FBN2: variants seen among roughly 807,000 people sequenced by gnomAD.
The protein encoded by FBN2 is fibrillin-2.
A neutral mutation model predicts 355.6 loss-of-function variants in FBN2; 105 were observed. That is an observed-to-expected ratio of 0.30 (90% CI 0.25 to 0.35). The LOEUF is 0.35. Among genes scored for constraint, FBN2 ranks in the 10% least tolerant of loss-of-function variants. The pLI, the probability that FBN2 is intolerant of heterozygous loss-of-function variation, is 1.00. For missense variants in FBN2, 3,280 were observed against 3,758.7 expected (o/e 0.87, Z 3.33); for synonymous variants, 1,350 against 1,301.2 (o/e 1.04, Z -0.81).
intron 7 of FBN2, among the ~76,000 whole-genome samples, chr5:128,442,712 G>A (rs577827968): frequency 6.6e-6 from 1 of 152,064 alleles, no homozygotes; most frequent in South Asian, 2.1e-4. Flanking sequence ...TTGAGCAAAG[G>A]GGGATAATAA....
intron 62 of FBN2, 149 bp downstream of exon 62, chr5:128,271,850 T>C: frequency 1.1e-6 from 1 of 895,072 alleles, no homozygotes; most frequent in Non-Finnish European, 1.8e-6. Flanking sequence ...ACTAGCAGAA[T>C]GAGTCCCCAT....
At chr5:128,332,687 A>G (rs1036676561) in intron 32 of FBN2, among the ~76,000 whole-genome samples, 6 of 152,170 alleles carry the variant, frequency 3.9e-5, no homozygotes, top group Admixed American at 3.3e-4. Context: ...ATCAATTTTT[A>G]CTGAACAAAA....
At chr5:128,459,781 T>C (rs2127077160) in intron 6 of FBN2, among the ~76,000 whole-genome samples, 1 of 152,286 alleles carries the variant, frequency 6.6e-6, no homozygotes, top group African/African-American at 2.4e-5. Flanking sequence ...TGTTAAAAAT[T>C]CTCAGTAAAC....
At chr5:128,445,700 A>G (rs1754045564) in intron 7 of FBN2, among the ~76,000 whole-genome samples, 2 of 152,192 alleles carry the variant, frequency 1.3e-5, no homozygotes, top group Non-Finnish European at 2.9e-5. Context: ...TTTAAGTAAC[A>G]TAACTGAAAA....
chr5:128,415,910 G>A (rs1484181507), intron 7 of FBN2, among the ~76,000 whole-genome samples: 3 of 152,008 alleles, frequency 2.0e-5, no homozygotes, highest in African/African-American at 7.2e-5. Flanking sequence ...GGAATAAGAT[G>A]ACATCTCATT....
chr5:128,478,066 G>A (rs1022107041), intron 5 of FBN2, among the ~76,000 whole-genome samples: 2 of 152,298 alleles, frequency 1.3e-5, no homozygotes, highest in African/African-American at 2.4e-5. Context: ...TCTCAGCTAT[G>A]GAAATTCTCT....
chr5:128,415,176 C>T (rs1394172616), intron 7 of FBN2, among the ~76,000 whole-genome samples: 1 of 152,164 alleles, frequency 6.6e-6, no homozygotes, highest in Non-Finnish European at 1.5e-5. Flanking sequence ...GTATCCCTCA[C>T]ATCTTGACTA....
intron 34 of FBN2, chr5:128,328,253 G>T: frequency 3.2e-6 from 1 of 315,338 alleles, no homozygotes; most frequent in Non-Finnish European, 6.0e-6. Context: ...CCCTGAAGAG[G>T]ACTTCCATTC....
intron 6 of FBN2, among the ~76,000 whole-genome samples, chr5:128,461,542 C>T (rs1363733941): frequency 6.6e-6 from 1 of 152,184 alleles, no homozygotes; most frequent in African/African-American, 2.4e-5. Flanking sequence ...CTATAAGACA[C>T]ATGCACACAT....
intron 5 of FBN2, 44 bp downstream of exon 5, chr5:128,519,229 A>G (rs928531109): frequency 7.4e-7 from 1 of 1,357,156 alleles, no homozygotes; most frequent in Non-Finnish European, 1.1e-6. Context: ...TTTTTACAAT[A>G]AAATAGACTT....
intron 5 of FBN2, among the ~76,000 whole-genome samples, chr5:128,510,340 A>G (rs1017156407): frequency 6.6e-6 from 1 of 152,264 alleles, no homozygotes; most frequent in African/African-American, 2.4e-5. Flanking sequence ...CCTGGGCTGC[A>G]TGAAGCCTGT....
chr5:128,373,507 A>G (rs1752001562), intron 15 of FBN2, among the ~76,000 whole-genome samples: 1 of 152,080 alleles, frequency 6.6e-6, no homozygotes, highest in Non-Finnish European at 1.5e-5. Context: ...ATATGTTTTG[A>G]TTCTCATAGG....
chr5:128,416,205 A>T (rs764806310), intron 7 of FBN2, among the ~76,000 whole-genome samples: 1 of 152,016 alleles, frequency 6.6e-6, no homozygotes, highest in Non-Finnish European at 1.5e-5. Flanking sequence ...TTGTATTTTT[A>T]GTAGAGATGG....
chr5:128,348,509 A>G (rs574882213), intron 23 of FBN2, among the ~76,000 whole-genome samples: 1 of 152,206 alleles, frequency 6.6e-6, no homozygotes, highest in South Asian at 2.1e-4. Flanking sequence ...TGGTATTGCA[A>G]ACTTTTTTCT....
intron 52 of FBN2, 83 bp from the exon 53 acceptor site, chr5:128,288,640 A>C: frequency 6.6e-7 from 1 of 1,505,702 alleles, no homozygotes; most frequent in Non-Finnish European, 9.1e-7. Flanking sequence ...CTTGGCCCTC[A>C]CCCATTTCCA....
At chr5:128,524,746 C>CT (rs1204372217) in intron 4 of FBN2, among the ~76,000 whole-genome samples, 1 of 152,108 alleles carries the variant, frequency 6.6e-6, no homozygotes, top group Non-Finnish European at 1.5e-5. Context: ...GTTATCATAC[C>CT]TTTACCTTCT....
At chr5:128,279,622 C>T (rs944669155) in intron 56 of FBN2, among the ~76,000 whole-genome samples, 51 of 152,032 alleles carry the variant, frequency 3.4e-4, no homozygotes, top group African/African-American at 1.2e-3. Flanking sequence ...AACAGCTTAG[C>T]GCTCTTATTT....
chr5:128,476,761 T>A (rs1755015048), intron 5 of FBN2, among the ~76,000 whole-genome samples: 1 of 152,204 alleles, frequency 6.6e-6, no homozygotes, highest in Non-Finnish European at 1.5e-5. Context: ...ATATTCTACT[T>A]CTGTTTTCAT....
chr5:128,277,968 G>C lies in FBN2; in HGVS notation c.7383C>G (p.Thr2461=). The change falls in exon 58 of 65, where the codon ACC becomes ACG. Residue 2461 remains threonine, a synonymous_variant. Transcript: ENST00000262464. ...DECKVMPNLC[T]NGQCINTMGS... ...CCATGGTATTGATGCACTGACCATT[G>C]GTGCAGAGGTTTGGCATTACCTTAC... 3.7e-6 allele frequency: 6 copies of C among 1,613,610 alleles called. No individual in the cohort carries two copies. Among genetic ancestry groups the C allele is most frequent in the Non-Finnish European group, 5.1e-6 (6 of 1,179,578 alleles).
Sources: gnomAD v4.1 joint callset for allele counts (sites outside exome capture counted in the v4.1 genomes callset) on GRCh38, gnomAD v4.1.1 for gene constraint, MANE v1.5 for transcripts, NCBI Gene and HGNC (gene_info 2026-07-23, HGNC 2026-07-21) for gene names.